The following SEC24A variants were observed in gnomAD, a reference collection of about 807,000 sequenced individuals.
The protein encoded by SEC24A is protein transport protein Sec24A.
A neutral mutation model predicts 129.4 loss-of-function variants in SEC24A; 93 were observed. That is an observed-to-expected ratio of 0.72 (90% CI 0.61 to 0.85). The LOEUF (loss-of-function observed/expected upper bound fraction) is 0.85, where lower values mean the gene tolerates loss of function less well. Ranked by LOEUF, SEC24A falls within the 40% of genes least tolerant of loss-of-function variation. The pLI, the probability that SEC24A is intolerant of heterozygous loss-of-function variation, is 0.00. For missense variants in SEC24A, 1,264 were observed against 1,307.4 expected, an observed-to-expected ratio of 0.97 and a Z score of 0.51; for synonymous variants, 460 against 467.3, an observed-to-expected ratio of 0.98 and a Z score of 0.20.
intron 15 of SEC24A, among the ~76,000 whole-genome samples, chr5:134,700,905 A>G (rs1751987217): frequency 2.0e-5 from 3 of 151,976 alleles, no homozygotes; most frequent in Admixed American, 2.0e-4. Context: ...TTTTTGGTAG[A>G]GACAGGGTTT....
At chr5:134,685,580 A>G (rs1751425295) in intron 9 of SEC24A, among the ~76,000 whole-genome samples, 1 of 152,136 alleles carries the variant, frequency 6.6e-6, no homozygotes, top group Admixed American at 6.6e-5. Context: ...TCCTGGAACT[A>G]ATCTCTTGCA....
intron 18 of SEC24A, among the ~76,000 whole-genome samples, chr5:134,709,198 C>T (rs1323358772): frequency 3.3e-5 from 5 of 151,944 alleles, no homozygotes; most frequent in African/African-American, 4.8e-5. Flanking sequence ...GTGACAGAGC[C>T]AGACTCTGTC....
chr5:134,649,048 C>T lies in SEC24A; in HGVS notation c.-29C>T. 1 of 1,560,988 alleles carries T rather than the reference C, an allele frequency of 6.4e-7. No individual in the cohort carries two copies. The highest frequency in any genetic ancestry group is 8.8e-7 in the Non-Finnish European group (1 of 1,140,912). Reference sequence around the variant, plus strand: ...TCTCTTCTTGTGCGCTGTTGTCGACCCCGACCAGCCCCTTCCAACCCAGTC... The same window carrying T: ...TCTCTTCTTGTGCGCTGTTGTCGACTCCGACCAGCCCCTTCCAACCCAGTC... On this transcript the variant is annotated 5_prime_UTR_variant, in exon 1 of 23. Coordinates refer to ENST00000398844, the MANE Select transcript of SEC24A (RefSeq NM_021982.3).
At chr5:134,720,295 AG>A (rs1235870621) in intron 20 of SEC24A, among the ~76,000 whole-genome samples, 1 of 152,194 alleles carries the variant, frequency 6.6e-6, no homozygotes, top group Non-Finnish European at 1.5e-5. Flanking sequence ...ATTGTTTTAC[AG>A]TTGCCTACAG....
At chr5:134,706,312 T>C (rs1192789742) in intron 17 of SEC24A, among the ~76,000 whole-genome samples, 1 of 152,230 alleles carries the variant, frequency 6.6e-6, no homozygotes, top group East Asian at 1.9e-4. Flanking sequence ...TTTACCACCA[T>C]ACATTTGTTT....
chr5:134,685,247 G>A (rs1442202474), intron 9 of SEC24A, among the ~76,000 whole-genome samples: 2 of 151,936 alleles, frequency 1.3e-5, no homozygotes, highest in African/African-American at 2.4e-5. Flanking sequence ...TATAGTCCCA[G>A]GTACTTGGGA....
chr5:134,651,273 AAT>A (rs932067738), intron 1 of SEC24A, among the ~76,000 whole-genome samples: 5 of 147,292 alleles, frequency 3.4e-5, no homozygotes, highest in African/African-American at 9.9e-5. Flanking sequence ...ATAAGTATAT[AAT>A]ATATATATAT....
chr5:134,720,397 C>T (rs1428125811), intron 20 of SEC24A, among the ~76,000 whole-genome samples: 1 of 152,158 alleles, frequency 6.6e-6, no homozygotes, highest in Non-Finnish European at 1.5e-5. Context: ...CTATGATGTT[C>T]ATACAGAGAA....
At chr5:134,656,778 C>CTTTTTTTT (rs1278303639) in intron 1 of SEC24A, among the ~76,000 whole-genome samples, 1 of 132,482 alleles carries the variant, frequency 7.5e-6, no homozygotes, top group African/African-American at 2.7e-5. Context: ...CTGCATCCGA[C>CTTTTTTTT]TTTTTTTTTT....
chr5:134,666,883 CT>C lies in SEC24A; in HGVS notation c.627del (p.His210MetfsTer12). The C allele has an allele frequency of 2.5e-6, 4 of 1,614,044 alleles. No homozygotes were observed. Among genetic ancestry groups the C allele is most frequent in the Non-Finnish European group, 3.4e-6 (4 of 1,179,952 alleles). On this transcript the variant is annotated frameshift_variant, in exon 3 of 23. Coordinates refer to ENST00000398844, the MANE Select transcript of SEC24A (RefSeq NM_021982.3). LOFTEE classifies it high-confidence loss of function. ...PLPTTFQPGAPHGPPPAGGPP... is the reference protein window; with the variant it reads ...PLPTTFQPGAXHGPPPAGGPP... ...CCTACAACTTTTCAACCAGGAGCTCCTCATGGGCCCCCTCCAGCTGGAGGCC... is the reference window on the plus strand; with the variant it reads ...CCTACAACTTTTCAACCAGGAGCTCCCATGGGCCCCCTCCAGCTGGAGGCC...
At chr5:134,700,247 G>T (rs757852382) in intron 15 of SEC24A, among the ~76,000 whole-genome samples, 10 of 151,674 alleles carry the variant, frequency 6.6e-5, no homozygotes, top group Non-Finnish European at 1.0e-4. Context: ...TGGAGACAGA[G>T]TGTTGCTCTG....
At chr5:134,664,800 T>TC (rs1750598238) in intron 2 of SEC24A, among the ~76,000 whole-genome samples, 3 of 125,296 alleles carry the variant, frequency 2.4e-5, no homozygotes, top group African/African-American at 3.9e-5. Context: ...TTCTTTTTTT[T>TC]TTTTTTTTTT....
intron 18 of SEC24A, among the ~76,000 whole-genome samples, chr5:134,713,022 C>T (rs1416301324): frequency 1.3e-5 from 2 of 149,288 alleles, no homozygotes; most frequent in Admixed American, 6.7e-5. Flanking sequence ...AGCTCCGCCT[C>T]CCGGGTTCAC....
At chr5:134,715,370 T>C (rs749915342) in intron 19 of SEC24A, 1 of 446,880 alleles carries the variant, frequency 2.2e-6, no homozygotes, top group Non-Finnish European at 3.9e-6. Context: ...ATACCATCTG[T>C]AGAGCAGATC....
intron 22 of SEC24A, 36 bp downstream of exon 22, chr5:134,723,706 ATTTG>A: frequency 9.1e-6 from 12 of 1,322,686 alleles, no homozygotes; most frequent in African/African-American, 1.4e-5. Flanking sequence ...TAGTAAAACA[ATTTG>A]TTTGGCCTTG....
At position 134,703,844 on chromosome 5, in the gene SEC24A, G is replaced by T; in HGVS notation, c.2352G>T (p.Gly784=). 1 of 1,613,300 alleles carries T rather than the reference G, an allele frequency of 6.2e-7. No individual in the cohort carries two copies. Among genetic ancestry groups the T allele is most frequent in the Non-Finnish European group, 8.5e-7 (1 of 1,179,296 alleles). The stretch of plus-strand genomic sequence containing the variant: ...TGCCTAACGTCAACCCAGACGCTGG[G>T]TATGCAGTACAGATGTCAGTGGAAG... The part of the protein sequence containing the change: ...LSLPNVNPDA[G]YAVQMSVEES... The change falls in exon 16 of 23, where the codon GGG becomes GGT. Residue 784 remains glycine, a synonymous_variant. Transcript: ENST00000398844.
At chr5:134,715,851 TAAAAA>T (rs34876785) in intron 19 of SEC24A, among the ~76,000 whole-genome samples, 3 of 140,602 alleles carry the variant, frequency 2.1e-5, no homozygotes, top group Non-Finnish European at 3.1e-5. Context: ...CTTAAAGTAT[TAAAAA>T]AAAAAAAAAA....
intron 18 of SEC24A, among the ~76,000 whole-genome samples, chr5:134,711,698 T>A (rs954236619): frequency 1.3e-5 from 2 of 151,068 alleles, no homozygotes; most frequent in African/African-American, 4.9e-5. Flanking sequence ...GCCTGGCTAA[T>A]TTTTGTATTT....
intron 3 of SEC24A, among the ~76,000 whole-genome samples, chr5:134,670,092 A>G (rs1487097404): frequency 6.6e-6 from 1 of 152,014 alleles, no homozygotes; most frequent in Non-Finnish European, 1.5e-5. Context: ...ACAACCAGCT[A>G]ATTTTTGTAT....
Sources: gnomAD v4.1 joint callset for allele counts (sites outside exome capture counted in the v4.1 genomes callset) on GRCh38, gnomAD v4.1.1 for gene constraint, MANE v1.5 for transcripts, NCBI Gene and HGNC (gene_info 2026-07-23, HGNC 2026-07-21) for gene names.